Variants in LRRTM3 observed in about 807,000 individuals in gnomAD.
The protein encoded by LRRTM3 is leucine rich repeat transmembrane neuronal 3.
A neutral mutation model predicts 44.7 loss-of-function variants in LRRTM3; 24 were observed. The ratio of observed to expected loss-of-function variants is 0.54; its 90% CI spans 0.39 to 0.76. The LOEUF is 0.76. Ranked by LOEUF, LRRTM3 falls within the 30% of genes least tolerant of loss-of-function variation. The pLI, the probability that LRRTM3 is intolerant of heterozygous loss-of-function variation, is 0.00. For synonymous variants in LRRTM3, 277 were observed against 278.7 expected, an observed-to-expected ratio of 0.99 and a Z score of 0.06; for missense variants, 587 against 702.2, an observed-to-expected ratio of 0.84 and a Z score of 1.85.
rs11369576 is a variant in LRRTM3 at position 67,005,682 on chromosome 10, C to CTTTTTTTTTTTTTTTTTTTTTTT, written c.1536+77251_1536+77252insTTTTTTTTTTTTTTTTTTTTTTT. ...AATGCTTTTGTTTATTTTACTCCAT[C>CTTTTTTTTTTTTTTTTTTTTTTT]TTTTTTTTTTTTTTTTTTTTTGAGA... is the stretch of plus-strand genomic sequence containing the variant. On this transcript the variant is annotated intron_variant, in intron 2 of 2. Coordinates refer to ENST00000361320, the MANE Select transcript of LRRTM3 (RefSeq NM_178011.5). Among the ~76,000 whole-genome samples, 55 of 61,982 alleles carry CTTTTTTTTTTTTTTTTTTTTTTT rather than the reference C, an allele frequency of 8.9e-4. 14 individuals are homozygous for CTTTTTTTTTTTTTTTTTTTTTTT. The highest frequency in any genetic ancestry group is 3.0e-3 in the South Asian group (3 of 992). The allele number at this position is 61,982 out of a possible 152,430, so 40.7% of individuals were successfully genotyped here. A position where few individuals can be genotyped will look rare whatever the true frequency, so the allele number is the denominator to read the frequency against.
At chr10:67,011,613 A>G (rs1000797779) in intron 2 of LRRTM3, among the ~76,000 whole-genome samples, 1 of 152,124 alleles carries the variant, frequency 6.6e-6, no homozygotes, top group Non-Finnish European at 1.5e-5. Flanking sequence ...TAAAATTTTT[A>G]GTAGAATTTC....
chr10:66,948,075 G>A (rs1000548690), intron 2 of LRRTM3, among the ~76,000 whole-genome samples: 1 of 152,174 alleles, frequency 6.6e-6, no homozygotes, highest in Non-Finnish European at 1.5e-5. Flanking sequence ...CATAGAAAAG[G>A]TAGGATAAAA....
intron 2 of LRRTM3, among the ~76,000 whole-genome samples, chr10:67,035,699 G>T (rs1027265050): frequency 2.0e-5 from 3 of 151,952 alleles, no homozygotes; most frequent in Non-Finnish European, 2.9e-5. Flanking sequence ...ATCAAATTAG[G>T]CAATAGACCT....
chr10:66,996,428 C>G (rs2132958398), intron 2 of LRRTM3, among the ~76,000 whole-genome samples: 1 of 152,108 alleles, frequency 6.6e-6, no homozygotes, highest in South Asian at 2.1e-4. Context: ...GGCAGATTGC[C>G]TGGGCTCAGG....
At chr10:66,975,050 T>G (rs1266006327) in intron 2 of LRRTM3, among the ~76,000 whole-genome samples, 2 of 152,138 alleles carry the variant, frequency 1.3e-5, no homozygotes, top group Non-Finnish European at 2.9e-5. Flanking sequence ...ATCTGGTATT[T>G]TAGACTCCAT....
At chr10:67,091,311 T>C (rs938181052) in intron 2 of LRRTM3, among the ~76,000 whole-genome samples, 2 of 151,900 alleles carry the variant, frequency 1.3e-5, no homozygotes, top group African/African-American at 4.8e-5. Flanking sequence ...TTAAGTAAAT[T>C]GAGAATTTAA....
intron 2 of LRRTM3, among the ~76,000 whole-genome samples, chr10:67,094,297 A>G (rs1325589167): frequency 6.6e-6 from 1 of 151,894 alleles, no homozygotes; most frequent in Non-Finnish European, 1.5e-5. Flanking sequence ...TGGATATTCT[A>G]ACGAAATAAG....
intron 2 of LRRTM3, among the ~76,000 whole-genome samples, chr10:67,064,378 G>T (rs906974985): frequency 2.0e-4 from 30 of 152,092 alleles, no homozygotes; most frequent in African/African-American, 6.7e-4. Flanking sequence ...CATATTTATT[G>T]CTAGTACTAG....
chr10:67,085,912 A>G (rs1005211629), intron 2 of LRRTM3, among the ~76,000 whole-genome samples: 2 of 152,022 alleles, frequency 1.3e-5, no homozygotes, highest in African/African-American at 2.4e-5. Context: ...CAGCTTAAAC[A>G]TGACGTTATC....
intron 2 of LRRTM3, among the ~76,000 whole-genome samples, chr10:67,073,993 C>T (rs1393345148): frequency 6.7e-6 from 1 of 149,170 alleles, no homozygotes; most frequent in African/African-American, 2.5e-5. Context: ...ACACTCAGAT[C>T]TACTGAATTA....
intron 2 of LRRTM3, among the ~76,000 whole-genome samples, chr10:66,962,485 C>T (rs1190441595): frequency 6.6e-6 from 1 of 151,872 alleles, no homozygotes; most frequent in African/African-American, 2.4e-5. Context: ...TCTCTGCTCA[C>T]TGCAATCTCC....
intron 2 of LRRTM3, among the ~76,000 whole-genome samples, chr10:67,095,263 C>G (rs1857915584): frequency 6.6e-6 from 1 of 151,564 alleles, no homozygotes; most frequent in Admixed American, 6.6e-5. Context: ...AATGCACTCT[C>G]AATTACATGG....
intron 2 of LRRTM3, among the ~76,000 whole-genome samples, chr10:67,034,733 G>A (rs753834738): frequency 6.6e-6 from 1 of 152,128 alleles, no homozygotes; most frequent in Non-Finnish European, 1.5e-5. Flanking sequence ...TGACTCTCTA[G>A]TGGCTGTATA....
chr10:67,010,662 T>G (rs1042970060), intron 2 of LRRTM3, among the ~76,000 whole-genome samples: 2 of 152,188 alleles, frequency 1.3e-5, no homozygotes, highest in Non-Finnish European at 2.9e-5. Context: ...TATCAGTAGC[T>G]GCTAGGAATT....
At chr10:67,052,864 C>T (rs961618836) in intron 2 of LRRTM3, among the ~76,000 whole-genome samples, 1 of 152,004 alleles carries the variant, frequency 6.6e-6, no homozygotes, top group African/African-American at 2.4e-5. Context: ...TTATATTAGT[C>T]CTAAATGTAA....
chr10:66,945,275 G>C, intron 2 of LRRTM3, among the ~76,000 whole-genome samples: 1 of 152,208 alleles, frequency 6.6e-6, no homozygotes, highest in East Asian at 1.9e-4. Flanking sequence ...TGAATAACTT[G>C]TTGCAGCTTT....
At chr10:66,998,891 T>C (rs1851521868) in intron 2 of LRRTM3, among the ~76,000 whole-genome samples, 1 of 152,094 alleles carries the variant, frequency 6.6e-6, no homozygotes. Flanking sequence ...GACCCTACAA[T>C]TAGAGAACAC....
At chr10:67,016,066 T>C (rs1051380116) in intron 2 of LRRTM3, among the ~76,000 whole-genome samples, 3 of 152,234 alleles carry the variant, frequency 2.0e-5, no homozygotes, top group African/African-American at 7.2e-5. Context: ...TTCTGAACCC[T>C]ATTTTTAGAA....
intron 2 of LRRTM3, among the ~76,000 whole-genome samples, chr10:67,062,570 T>G (rs2133224434): frequency 6.6e-6 from 1 of 151,770 alleles, no homozygotes; most frequent in African/African-American, 2.4e-5. Context: ...GCAGGCAAAC[T>G]TAGAACACAA....
Sources: gnomAD v4.1 joint callset for allele counts (sites outside exome capture counted in the v4.1 genomes callset) on GRCh38, gnomAD v4.1.1 for gene constraint, MANE v1.5 for transcripts, NCBI Gene and HGNC (gene_info 2026-07-23, HGNC 2026-07-21) for gene names.